Variants in TRMT1L observed in about 807,000 individuals in gnomAD.
The protein encoded by TRMT1L is tRNA (guanine(27)-N(2))-dimethyltransferase.
A neutral mutation model predicts 81.6 loss-of-function variants in TRMT1L; 28 were observed. The ratio of observed to expected loss-of-function variants is 0.34; its 90% CI spans 0.25 to 0.47. The LOEUF is 0.47. Ranked by LOEUF, TRMT1L falls within the 20% of genes least tolerant of loss-of-function variation. The pLI, the probability that TRMT1L is intolerant of heterozygous loss-of-function variation, is 1.00. For missense variants in TRMT1L, 739 were observed against 877.1 expected, an observed-to-expected ratio of 0.84 and a Z score of 1.99; for synonymous variants, 301 against 303.2, an observed-to-expected ratio of 0.99 and a Z score of 0.07.
Position 185,120,516 on chromosome 1 carries a change from C to T in TRMT1L, c.1823-7G>A. 1 of 1,560,922 alleles carries T rather than the reference C, an allele frequency of 6.4e-7. No homozygotes were observed. The highest frequency in any genetic ancestry group is 8.6e-7 in the Non-Finnish European group (1 of 1,159,356). On this transcript the variant is annotated splice_region_variant and splice_polypyrimidine_tract_variant and intron_variant, in intron 13 of 14. Transcript: ENST00000367506. ...TCATTACTTTTTCTCTTTCCTGCAA[C>T]ATACACATACAAAGTTAGCATGCTC...
Position 185,122,822 on chromosome 1 carries a change from T to C in TRMT1L, c.1822+1035A>G, listed in dbSNP as rs369880561. Among the ~76,000 whole-genome samples, 6 of 152,042 alleles carry C rather than the reference T, an allele frequency of 3.9e-5. No individual in the cohort carries two copies. The East Asian group carries it at 7.8e-4, about 20-fold the overall frequency. ...ACCTCAGCCTCTCAAGTAGCTGGTA[T>C]TACAGGCTTGCACTGACACACCTGG... On this transcript the variant is annotated intron_variant, in intron 13 of 14. Transcript: ENST00000367506.
rs1342475542 is a variant in TRMT1L, at chr1:185,156,676, C to G, written c.37G>C (p.Glu13Gln). ...NMAEEELLPL[E>Q]KEEVEVAQVQ... ...TGGGCCACCTCCACCTCCTCCTTCT[C>G]CAGGGGCAGCAGCTCCTCCTCCGCC... Residue 13 changes from glutamate (E) to glutamine (Q), a missense_variant, in exon 1 of 15, where the codon GAG becomes CAG. Around this residue, in one of 4 missense-constraint regions of TRMT1L, gnomAD observed 209 missense variants for 165.4 expected, o/e 1.26. Coordinates refer to ENST00000367506, the MANE Select transcript of TRMT1L (RefSeq NM_030934.5). The G allele has an allele frequency of 6.2e-7, 1 of 1,612,214 alleles. No homozygotes were observed.
At position 185,120,181 on chromosome 1, in the gene TRMT1L, A is replaced by C. The variant is rs573032526; in HGVS notation, c.2040T>G (p.Pro680=). ...AAAGGATAGATTTAAACTGCATCAG[A>C]GGTGCATCTGTGCGTACACCCATTG... is the stretch of plus-strand genomic sequence containing the variant. The part of the protein sequence containing the change: ...FDPMGVRTDA[P]LMQFKSILLK... The change falls in exon 15 of 15, where the codon CCT becomes CCG. Residue 680 remains proline (P), a synonymous_variant. Transcript: ENST00000367506. 6.2e-7 allele frequency: 1 copy of C among 1,613,976 alleles called. No homozygotes were observed. Among genetic ancestry groups the C allele is most frequent in the East Asian group, 2.2e-5 (1 of 44,880 alleles).
intron 1 of TRMT1L, among the ~76,000 whole-genome samples, chr1:185,152,880 C>A (rs916109097): frequency 4.6e-5 from 7 of 152,044 alleles, no homozygotes; most frequent in Admixed American, 3.9e-4. Flanking sequence ...AGTATTCCAG[C>A]AATAATGTAT....
At chr1:185,149,411 T>C (rs1003642671) in intron 3 of TRMT1L, among the ~76,000 whole-genome samples, 1 of 151,622 alleles carries the variant, frequency 6.6e-6, no homozygotes, top group South Asian at 2.1e-4. Context: ...CAAGCAGTCC[T>C]ACCACCTGAG....
intron 12 of TRMT1L, 37 bp downstream of exon 12, chr1:185,124,907 C>T (rs1170568063): frequency 1.4e-5 from 21 of 1,546,380 alleles, no homozygotes; most frequent in Non-Finnish European, 1.8e-5. Flanking sequence ...TTTTGGTAAG[C>T]AGTTTAAAGC....
chr1:185,144,066 C>T (rs1653121118), intron 5 of TRMT1L, 37 bp from the exon 6 acceptor site: 1 of 1,537,744 alleles, frequency 6.5e-7, no homozygotes, highest in Admixed American at 2.1e-5. Context: ...CAGGGAAACA[C>T]AAAATAATTC....
At position 185,156,553 on chromosome 1, in the gene TRMT1L, C is replaced by A. The variant is rs370732709; in HGVS notation, c.160G>T (p.Ala54Ser). The A allele has an allele frequency of 1.4e-5, 23 of 1,605,842 alleles. No homozygotes were observed. Among genetic ancestry groups the A allele is most frequent in the Non-Finnish European group, 1.7e-5 (20 of 1,176,488 alleles). ...GCCTGGGCCAGGGCAGGGGCTGGGG[C>A]TGGAGCCGAGGCCGGAGTCGGAGCC... Reference protein sequence around the residue: ...DSAPTPASAPAPAPALAQAPA... With the variant: ...DSAPTPASAPSPAPALAQAPA... The change falls in exon 1 of 15, where the codon GCC becomes TCC. Residue 54 changes from alanine (A) to serine (S), a missense_variant. Ala to Ser is a moderately conservative substitution (Grantham distance 99, BLOSUM62 1). Around this residue, in one of 4 missense-constraint regions of TRMT1L, gnomAD observed 209 missense variants for 165.4 expected, o/e 1.26. Coordinates refer to ENST00000367506, the MANE Select transcript of TRMT1L (RefSeq NM_030934.5).
rs1653628305 is a variant in TRMT1L, at chr1:185,156,945, A to G, written c.-233T>C. ...ATGCCCGTCCGCTTCCCTTTCCCCG[A>G]GGCGTTACGACGCCACCACAAACTG... On this transcript the variant is annotated 5_prime_UTR_variant, in exon 1 of 15. Coordinates refer to ENST00000367506, the MANE Select transcript of TRMT1L (RefSeq NM_030934.5). 7 of 597,824 alleles carry G rather than the reference A, an allele frequency of 1.2e-5. No individual in the cohort carries two copies. Among genetic ancestry groups the G allele is most frequent in the Middle Eastern group, 4.6e-4 (1 of 2,162 alleles). The allele number at this position is 597,824 out of a possible 1,614,324, so 37.0% of individuals were successfully genotyped here.
intron 4 of TRMT1L, 51 bp downstream of exon 4, chr1:185,147,131 T>C: frequency 7.5e-7 from 1 of 1,339,698 alleles, no homozygotes; most frequent in Non-Finnish European, 1.1e-6. Flanking sequence ...AAATTATGCT[T>C]TCTTTAAAAA....
At chr1:185,139,236 C>A in intron 9 of TRMT1L, 131 bp downstream of exon 9, 1 of 651,096 alleles carries the variant, frequency 1.5e-6, no homozygotes, top group Non-Finnish European at 2.5e-6. Context: ...AGATTAAAAA[C>A]CAGTATTACA....
intron 12 of TRMT1L, among the ~76,000 whole-genome samples, chr1:185,124,429 G>T (rs939599026): frequency 1.3e-5 from 2 of 151,552 alleles, no homozygotes; most frequent in Non-Finnish European, 2.9e-5. Flanking sequence ...GGGCATGGTG[G>T]TTCATGCCTG....
At chr1:185,135,708 T>C (rs1005557429) in intron 10 of TRMT1L, among the ~76,000 whole-genome samples, 10 of 151,940 alleles carry the variant, frequency 6.6e-5, no homozygotes, top group African/African-American at 2.4e-4. Context: ...AGTTTTTCAA[T>C]TCCTAAGAAT....
chr1:185,124,810 CATT>C (rs1652582606), intron 12 of TRMT1L, 131 bp downstream of exon 12: 2 of 813,174 alleles, frequency 2.5e-6, no homozygotes, highest in Non-Finnish European at 3.6e-6. Context: ...GGATCAGACT[CATT>C]AGAGAAGATT....
intron 6 of TRMT1L, 80 bp downstream of exon 6, chr1:185,143,826 T>C: frequency 1.6e-6 from 2 of 1,218,250 alleles, no homozygotes; most frequent in Non-Finnish European, 1.1e-6. Flanking sequence ...AATTTTAATA[T>C]ATTAGAACAT....
rs1653294699 is a variant in TRMT1L, at chr1:185,149,905, A to G, written c.460+474T>C. On this transcript the variant is annotated intron_variant, in intron 3 of 14. Transcript: ENST00000367506. ...GTTTGTTTCCATTTATCTGAAGTAG[A>G]AAATGGCTATGATTTCTGAATTATC... is the stretch of plus-strand genomic sequence containing the variant. 1.3e-5 allele frequency among the ~76,000 whole-genome samples: 2 copies of G among 152,194 alleles called. 1 individual carries two copies. The highest frequency in any genetic ancestry group is 4.1e-4 in the South Asian group (2 of 4,832).
At chr1:185,138,887 A>G (rs536547839) in intron 9 of TRMT1L, among the ~76,000 whole-genome samples, 2 of 152,314 alleles carry the variant, frequency 1.3e-5, no homozygotes, top group South Asian at 2.1e-4. Context: ...CCTGGGTTCA[A>G]GTGATTCTAG....
At chr1:185,123,699 G>C (rs781695112) in intron 13 of TRMT1L, among the ~76,000 whole-genome samples, 158 bp downstream of exon 13, 12 of 152,132 alleles carry the variant, frequency 7.9e-5, no homozygotes, top group Non-Finnish European at 1.8e-4. Flanking sequence ...TCCTATGTGT[G>C]AATGCTGATA....
chr1:185,131,371 TGACA>T (rs1268590887), intron 10 of TRMT1L, among the ~76,000 whole-genome samples: 2 of 151,804 alleles, frequency 1.3e-5, no homozygotes, highest in Admixed American at 6.6e-5. Context: ...AGAACTACCA[TGACA>T]GACAGAGAAC....
Sources: allele counts gnomAD v4.1 joint callset (sites outside exome capture counted in the v4.1 genomes callset), GRCh38; gene constraint gnomAD v4.1.1; regional missense constraint gnomAD v4.1.1; transcripts MANE v1.5; gene names NCBI Gene and HGNC (gene_info 2026-07-23, HGNC 2026-07-21).